DHX9: variants seen among roughly 807,000 people sequenced by gnomAD.
The protein encoded by DHX9 is DExH-box helicase 9.
A neutral mutation model predicts 148.7 loss-of-function variants in DHX9; 27 were observed. The observed-to-expected ratio is 0.18, with a 90% CI of 0.13 to 0.25. The LOEUF is 0.25. Ranked by LOEUF, DHX9 falls within the 10% of genes least tolerant of loss-of-function variation. The probability of loss-of-function intolerance (pLI) is 1.00; values close to 1 mark genes in which losing one functional copy is unlikely to be tolerated. For missense variants in DHX9, 796 were observed against 1,559.6 expected (o/e 0.51, Z 8.25); for synonymous variants, 529 against 516.6 (o/e 1.02, Z -0.33).
intron 6 of DHX9, among the ~76,000 whole-genome samples, 166 bp downstream of exon 6, chr1:182,854,344 A>G (rs1490238939): frequency 6.6e-6 from 1 of 152,252 alleles, no homozygotes; most frequent in African/African-American, 2.4e-5. Flanking sequence ...TGATTTGTGC[A>G]GTTTCCATGG....
chr1:182,851,798 T>C (rs535932299), intron 3 of DHX9, among the ~76,000 whole-genome samples: 15 of 152,314 alleles, frequency 9.8e-5, no homozygotes, highest in African/African-American at 3.6e-4. Context: ...TCCGTGATCA[T>C]CTTAATAAAG....
rs986245434 is a variant in DHX9 at position 182,858,085 on chromosome 1, T to C, written c.674-19T>C. 2 of 1,607,582 alleles carry C rather than the reference T, an allele frequency of 1.2e-6. No individual in the cohort carries two copies. The highest frequency in any genetic ancestry group is 1.1e-5 in the South Asian group (1 of 89,864). On this transcript the variant is annotated intron_variant, in intron 7 of 27. Coordinates refer to ENST00000367549, the MANE Select transcript of DHX9 (RefSeq NM_001357.5). ...CAGATGATTTCTTTCTGTCTGATAA[T>C]CCTGACCTTACATTATAGGGATTTT... is the stretch of plus-strand genomic sequence containing the variant.
In DHX9 at chr1:182,858,879, G is replaced by A; in HGVS notation, c.1047G>A (p.Glu349=). The stretch of plus-strand genomic sequence containing the variant: ...CTTGGACTAGTAGCAACATTGATGA[G>A]GGGCCTCTGGCTTTTGTGAGTGCAA... ...WNPWTSSNID[E]GPLAFATPEQ... is the part of the protein sequence containing the mutation. Residue 349 remains glutamate, a synonymous_variant, in exon 10 of 28, where the codon GAG becomes GAA. Transcript: ENST00000367549. 1 of 1,614,086 alleles carries A rather than the reference G, an allele frequency of 6.2e-7. No individual in the cohort carries two copies. The highest frequency in any genetic ancestry group is 8.5e-7 in the Non-Finnish European group (1 of 1,180,000).
In DHX9 at chr1:182,854,035, A is replaced by G. The variant is rs560465477; in HGVS notation, c.483A>G (p.Leu161=). Reference sequence around the variant, plus strand: ...AATTATCATTGATTCTACAGACTCTAGAATCAGAAGAAGTGGATTTAAATG... The same window carrying G: ...AATTATCATTGATTCTACAGACTCTGGAATCAGAAGAAGTGGATTTAAATG... The part of the protein sequence containing the change: ...RKEEQEVQAT[L]ESEEVDLNAG... Residue 161 remains leucine (L), a synonymous_variant, in exon 6 of 28, where the codon CTA becomes CTG. Transcript: ENST00000367549. The G allele has an allele frequency of 6.2e-7, 1 of 1,611,830 alleles. No homozygotes were observed. Among genetic ancestry groups the G allele is most frequent in the African/African-American group, 1.3e-5 (1 of 74,924 alleles).
intron 24 of DHX9, 123 bp downstream of exon 24, chr1:182,881,770 A>G (rs1649095854): frequency 7.7e-6 from 8 of 1,036,834 alleles, no homozygotes; most frequent in Non-Finnish European, 9.5e-6. Context: ...ATTCCCGACT[A>G]TTTCTTAGTT....
chr1:182,866,227 C>A (rs534535064), intron 12 of DHX9, among the ~76,000 whole-genome samples: 29 of 152,128 alleles, frequency 1.9e-4, no homozygotes, highest in African/African-American at 7.0e-4. Context: ...TAAGAGTTGG[C>A]GGCAATGACA....
intron 27 of DHX9, among the ~76,000 whole-genome samples, chr1:182,885,439 GTGA>G (rs1649278014): frequency 6.6e-6 from 1 of 152,076 alleles, no homozygotes; most frequent in Non-Finnish European, 1.5e-5. Flanking sequence ...CTTAATATTT[GTGA>G]TGAAGTAGCA....
intron 22 of DHX9, 138 bp from the exon 23 acceptor site, chr1:182,881,126 T>A: frequency 1.2e-6 from 1 of 838,526 alleles, no homozygotes; most frequent in Non-Finnish European, 1.8e-6. Context: ...TATAAAGTTC[T>A]TTGTTAAGCC....
Position 182,866,521 on chromosome 1 carries a change from C to T in DHX9, c.1410C>T (p.Gly470=). The T allele has an allele frequency of 6.2e-7, 1 of 1,614,156 alleles. No individual in the cohort carries two copies. The highest frequency in any genetic ancestry group is 1.1e-5 in the South Asian group (1 of 91,084). ...GAGAAGAGCCTGGAAAAAGCTGTGG[C>T]TACAGCGTTCGATTTGAGTCTATAC... ...ERGEEPGKSC[G]YSVRFESILP... Residue 470 remains glycine, a synonymous_variant, in exon 13 of 28, where the codon GGC becomes GGT. Coordinates refer to ENST00000367549, the MANE Select transcript of DHX9 (RefSeq NM_001357.5).
intron 14 of DHX9, among the ~76,000 whole-genome samples, chr1:182,871,364 G>T (rs569339034): frequency 1.3e-5 from 2 of 152,176 alleles, no homozygotes; most frequent in Non-Finnish European, 2.9e-5. Flanking sequence ...TTAATAAAAA[G>T]TGACACTAAA....
chr1:182,855,752 AT>A (rs1026446300), intron 6 of DHX9: 1 of 985,230 alleles, frequency 1.0e-6, no homozygotes, highest in Admixed American at 6.1e-5. Flanking sequence ...TCTAACATTT[AT>A]TTTTTTCTTA....
intron 12 of DHX9, among the ~76,000 whole-genome samples, chr1:182,863,080 G>C (rs1012516439): frequency 1.3e-5 from 2 of 152,286 alleles, no homozygotes; most frequent in East Asian, 3.9e-4. Context: ...AGGACAGTTG[G>C]AACTATTCTT....
Position 182,852,241 on chromosome 1 carries a change from T to C in DHX9, c.261T>C (p.Ser87=), listed in dbSNP as rs1571301186. Residue 87 remains serine, a synonymous_variant, in exon 4 of 28, where the codon TCT becomes TCC. Transcript: ENST00000367549. The part of the protein sequence containing the change: ...SEEVPAFGVA[S]PPPLTDTPDT... ...GACTTTTTCTTTTGCAGGTAGCATC[T>C]CCGCCCCCACTTACTGATACTCCTG... 1 of 1,605,934 alleles carries C rather than the reference T, an allele frequency of 6.2e-7. No individual in the cohort carries two copies. The highest frequency in any genetic ancestry group is 8.5e-7 in the Non-Finnish European group (1 of 1,176,932).
Position 182,866,955 on chromosome 1 carries a change from T to C in DHX9, c.1475-6T>C. On this transcript the variant is annotated splice_region_variant and splice_polypyrimidine_tract_variant and intron_variant, in intron 13 of 27. Coordinates refer to ENST00000367549, the MANE Select transcript of DHX9 (RefSeq NM_001357.5). ...CTATAGTTTATTGATTGTTTTTCTT[T>C]TCAAGGTGTGCTCCTGAGAAAATTA... is the stretch of plus-strand genomic sequence containing the variant. 1 of 1,602,240 alleles carries C rather than the reference T, an allele frequency of 6.2e-7. No individual in the cohort carries two copies. The highest frequency in any genetic ancestry group is 1.1e-5 in the South Asian group (1 of 88,568).
chr1:182,872,668 G>A (rs1480664381), intron 15 of DHX9, among the ~76,000 whole-genome samples, 175 bp downstream of exon 15: 1 of 152,196 alleles, frequency 6.6e-6, no homozygotes. Flanking sequence ...ATACAGTAGT[G>A]AGTACAGTCT....
At chr1:182,856,644 T>G in intron 7 of DHX9, 66 bp downstream of exon 7, 2 of 1,432,252 alleles carry the variant, frequency 1.4e-6, no homozygotes, top group Non-Finnish European at 2.0e-6. Flanking sequence ...ACATTTTAAG[T>G]CTTGAGTCAC....
chr1:182,880,125 A>G (rs572880861), intron 21 of DHX9, among the ~76,000 whole-genome samples: 1 of 152,306 alleles, frequency 6.6e-6, no homozygotes, highest in East Asian at 1.9e-4. Context: ...GCATTTATCT[A>G]CTATGTAACT....
At chr1:182,874,575 T>C (rs555988842) in intron 15 of DHX9, among the ~76,000 whole-genome samples, 1 of 152,244 alleles carries the variant, frequency 6.6e-6, no homozygotes, top group South Asian at 2.1e-4. Context: ...TGGAAGTGTA[T>C]AGATAAATGT....
rs1339541868 is a variant in DHX9, at chr1:182,876,811, A to G, written c.2125-19A>G. The G allele has an allele frequency of 6.3e-7, 1 of 1,586,342 alleles. No homozygotes were observed. Among genetic ancestry groups the G allele is most frequent in the Non-Finnish European group, 8.6e-7 (1 of 1,159,050 alleles). The stretch of plus-strand genomic sequence containing the variant: ...CTAATAAGAATATTTTCTGGAGTGT[A>G]ATTTTTCTTTCTTCACAGGTTATTT... On this transcript the variant is annotated intron_variant, in intron 18 of 27. Coordinates refer to ENST00000367549, the MANE Select transcript of DHX9 (RefSeq NM_001357.5).
Sources: gnomAD v4.1 joint callset for allele counts (sites outside exome capture counted in the v4.1 genomes callset) on GRCh38, gnomAD v4.1.1 for gene constraint, MANE v1.5 for transcripts, NCBI Gene and HGNC (gene_info 2026-07-23, HGNC 2026-07-21) for gene names.